CYBRD1: variants seen among roughly 807,000 people sequenced by gnomAD.
CYBRD1 encodes the protein cytochrome b reductase 1.
A neutral mutation model predicts 21.9 loss-of-function variants in CYBRD1; 14 were observed. That is an observed-to-expected ratio of 0.64 (90% CI 0.42 to 1.00). The LOEUF (loss-of-function observed/expected upper bound fraction) is 1.00, where lower values mean the gene tolerates loss of function less well. Among genes scored for constraint, CYBRD1 ranks in the 50% least tolerant of loss-of-function variants. CYBRD1 has a pLI of 0.00. For missense variants in CYBRD1, 328 were observed against 352.5 expected (o/e 0.93, Z 0.56); for synonymous variants, 146 against 136.5 (o/e 1.07, Z -0.48).
At chr2:171,553,015 A>T (rs1334119429) in intron 2 of CYBRD1, among the ~76,000 whole-genome samples, 1 of 152,230 alleles carries the variant, frequency 6.6e-6, no homozygotes, top group African/African-American at 2.4e-5. Context: ...CTGTATAAAT[A>T]AATTGTTATA....
At position 171,541,686 on chromosome 2, in the gene CYBRD1, A is replaced by G. The variant is rs1044018643; in HGVS notation, c.295A>G (p.Ile99Val). 3 of 1,613,796 alleles carry G rather than the reference A, an allele frequency of 1.9e-6. No homozygotes were observed. Among genetic ancestry groups the G allele is most frequent in the African/African-American group, 2.7e-5 (2 of 74,850 alleles). ...LNAVAAILAI[I>V]SVVAVFENHN... ...TGCAGTTGCTGCCATTCTTGCAATT[A>G]TCTCTGTGGTGGCCGTGTTTGAGAA... Residue 99 changes from isoleucine (I) to valine (V), a missense_variant, in exon 2 of 4, where the codon ATC becomes GTC. By Grantham distance (29) the Ile-to-Val change is conservative. Coordinates refer to ENST00000321348, the MANE Select transcript of CYBRD1 (RefSeq NM_024843.4).
intron 2 of CYBRD1, among the ~76,000 whole-genome samples, chr2:171,548,908 C>T (rs1697760821): frequency 6.6e-6 from 1 of 151,976 alleles, no homozygotes; most frequent in African/African-American, 2.4e-5. Flanking sequence ...AGTTGAAGAC[C>T]AACCTGGGCA....
At chr2:171,529,458 G>A (rs977252391) in intron 1 of CYBRD1, among the ~76,000 whole-genome samples, 1 of 146,840 alleles carries the variant, frequency 6.8e-6, no homozygotes, top group Non-Finnish European at 1.5e-5. Flanking sequence ...TTGAACCCAG[G>A]AGACAGAGGT....
intron 2 of CYBRD1, among the ~76,000 whole-genome samples, chr2:171,550,041 C>T (rs1007213211): frequency 1.3e-5 from 2 of 152,142 alleles, no homozygotes; most frequent in Non-Finnish European, 2.9e-5. Flanking sequence ...ATTCCTGGGC[C>T]CTAATCCAGA....
At chr2:171,540,713 A>G (rs1697616176) in intron 1 of CYBRD1, 1 of 137,462 alleles carries the variant, frequency 7.3e-6, no homozygotes, top group Non-Finnish European at 1.6e-5. Context: ...GTATTTCTCT[A>G]TTGCATGGTT....
chr2:171,537,687 A>G (rs754728672), intron 1 of CYBRD1, among the ~76,000 whole-genome samples: 9 of 152,212 alleles, frequency 5.9e-5, no homozygotes, highest in Non-Finnish European at 1.3e-4. Context: ...CTGGGTGAAG[A>G]GTATATGAGA....
At chr2:171,527,027 A>T (rs1697395684) in intron 1 of CYBRD1, among the ~76,000 whole-genome samples, 1 of 152,196 alleles carries the variant, frequency 6.6e-6, no homozygotes, top group African/African-American at 2.4e-5. Context: ...TCTAAAAGTG[A>T]CCAAATTCCA....
At chr2:171,542,363 TATC>T (rs1697647818) in intron 2 of CYBRD1, among the ~76,000 whole-genome samples, 1 of 152,086 alleles carries the variant, frequency 6.6e-6, no homozygotes, top group Non-Finnish European at 1.5e-5. Flanking sequence ...AATTAAGAAA[TATC>T]AGGCTGGGCA....
chr2:171,541,665 G>C lies in CYBRD1; in HGVS notation c.274G>C (p.Val92Leu). 1 of 1,613,884 alleles carries C rather than the reference G, an allele frequency of 6.2e-7. No individual in the cohort carries two copies. The highest frequency in any genetic ancestry group is 1.7e-5 in the Admixed American group (1 of 59,988). ...MKSIHAGLNA[V>L]AAILAIISVV... ...ATCCATCCATGCAGGGTTAAATGCA[G>C]TTGCTGCCATTCTTGCAATTATCTC... The change falls in exon 2 of 4, where the codon GTT becomes CTT. Residue 92 changes from valine (V) to leucine (L), a missense_variant. Val to Leu is a conservative substitution (Grantham distance 32). Coordinates refer to ENST00000321348, the MANE Select transcript of CYBRD1 (RefSeq NM_024843.4).
At chr2:171,526,356 C>A (rs1327236804) in intron 1 of CYBRD1, among the ~76,000 whole-genome samples, 1 of 152,036 alleles carries the variant, frequency 6.6e-6, no homozygotes, top group African/African-American at 2.4e-5. Flanking sequence ...TCCCCTTTCC[C>A]TTTCTCGCTC....
At chr2:171,542,415 C>T (rs1017066760) in intron 2 of CYBRD1, among the ~76,000 whole-genome samples, 4 of 151,764 alleles carry the variant, frequency 2.6e-5, no homozygotes, top group South Asian at 2.1e-4. Flanking sequence ...TTTCGAAGGC[C>T]GAGGTGGGAG....
At chr2:171,526,649 G>A (rs1243421100) in intron 1 of CYBRD1, among the ~76,000 whole-genome samples, 2 of 152,122 alleles carry the variant, frequency 1.3e-5, no homozygotes, top group Non-Finnish European at 2.9e-5. Flanking sequence ...CATGAAATAA[G>A]TATACTACTA....
At chr2:171,522,438 A>G (rs963979104), upstream of CYBRD1, 66 of 1,523,948 alleles carry the variant, frequency 4.3e-5, no homozygotes, top group Admixed American at 1.0e-4. The surrounding 1 kb of genome is among the most constrained non-coding windows in gnomAD (Gnocchi z 4.3). Context: ...AGGCGGAGAC[A>G]GCCCCAAGAA....
Position 171,554,631 on chromosome 2 carries a change from C to T in CYBRD1, c.665C>T (p.Pro222Leu), listed in dbSNP as rs757085502. The T allele has an allele frequency of 3.2e-5, 52 of 1,613,876 alleles. 1 individual carries two copies. In the Admixed American group the frequency reaches 4.3e-4, roughly 13 times the overall value. ...CTCATTTTTTGGATAGTCACCAGACCGCAATGGAAACGTCCTAAGGAGCCA... is the reference window on the plus strand; with the variant it reads ...CTCATTTTTTGGATAGTCACCAGACTGCAATGGAAACGTCCTAAGGAGCCA... The part of the protein sequence containing the change: ...GALIFWIVTR[P>L]QWKRPKEPNS... Residue 222 changes from proline (P) to leucine (L), a missense_variant, in exon 4 of 4, where the codon CCG becomes CTG. Coordinates refer to ENST00000321348, the MANE Select transcript of CYBRD1 (RefSeq NM_024843.4).
At chr2:171,538,202 GCAGTGAGCT>G (rs1047713493) in intron 1 of CYBRD1, among the ~76,000 whole-genome samples, 8 of 152,174 alleles carry the variant, frequency 5.3e-5, no homozygotes, top group Non-Finnish European at 2.9e-5. Context: ...AGTCGAGGTT[GCAGTGAGCT>G]GAGATCGCAC....
chr2:171,532,875 ATGTGTGTGTGTGTGTGTGTG>A (rs10618404), intron 1 of CYBRD1, among the ~76,000 whole-genome samples: 6 of 147,300 alleles, frequency 4.1e-5, no homozygotes. Flanking sequence ...CCATTTCACG[ATGTGTGTGTGTGTGTGTGTG>A]TGTGTGTGTG....
chr2:171,524,025 T>C (rs1159040829), intron 1 of CYBRD1, among the ~76,000 whole-genome samples: 1 of 152,236 alleles, frequency 6.6e-6, no homozygotes, highest in African/African-American at 2.4e-5. Flanking sequence ...AAAAGAGTGC[T>C]GACCTCATTC....
intron 1 of CYBRD1, among the ~76,000 whole-genome samples, chr2:171,534,841 C>T (rs1559315342): frequency 6.6e-6 from 1 of 152,134 alleles, no homozygotes; most frequent in Non-Finnish European, 1.5e-5. Flanking sequence ...TACCCACGAC[C>T]CAGATTTAAC....
chr2:171,552,738 A>G (rs1683400490), intron 2 of CYBRD1, among the ~76,000 whole-genome samples: 1 of 152,248 alleles, frequency 6.6e-6, no homozygotes, highest in Non-Finnish European at 1.5e-5. Context: ...TAGCGATTTC[A>G]TTATCAAGGA....
Sources: gnomAD v4.1 joint callset for allele counts (sites outside exome capture counted in the v4.1 genomes callset) on GRCh38, gnomAD v4.1.1 for gene constraint, Gnocchi (gnomAD v3.1) non-coding constraint, MANE v1.5 for transcripts, NCBI Gene and HGNC (gene_info 2026-07-23, HGNC 2026-07-21) for gene names.